The following MTOR variants were observed in gnomAD, a reference collection of about 807,000 sequenced individuals.
MTOR encodes the protein serine/threonine-protein kinase mTOR.
MTOR carries 70 observed loss-of-function variants against 319.8 expected under a neutral mutation model. The ratio of observed to expected loss-of-function variants is 0.22; its 90% confidence interval spans 0.18 to 0.27. MTOR has a LOEUF of 0.27. MTOR is among the 10% of genes least tolerant of loss of function. MTOR has a pLI of 1.00. For missense variants in MTOR, 1,890 were observed against 3,274.4 expected (o/e 0.58, Z 10.32); for synonymous variants, 1,183 against 1,211.4 (o/e 0.98, Z 0.49).
At chr1:11,208,037 G>A (rs1047102314) in intron 25 of MTOR, among the ~76,000 whole-genome samples, 3 of 152,056 alleles carry the variant, frequency 2.0e-5, no homozygotes, top group South Asian at 2.1e-4. Context: ...CAGGGTGGAC[G>A]GCTGCCTGGT....
intron 54 of MTOR, among the ~76,000 whole-genome samples, chr1:11,112,220 T>C (rs1641923445): frequency 6.6e-6 from 1 of 152,182 alleles, no homozygotes; most frequent in Non-Finnish European, 1.5e-5. Flanking sequence ...TTCTGCTGCT[T>C]CCATCTTCCC....
intron 6 of MTOR, 88 bp from the exon 7 acceptor site, chr1:11,248,182 C>T (rs891412511): frequency 1.5e-6 from 2 of 1,376,234 alleles, no homozygotes; most frequent in Non-Finnish European, 2.0e-6. Context: ...ATTACATTTG[C>T]CTAATCCCGA....
chr1:11,260,433 T>A (rs1650965741), intron 1 of MTOR, among the ~76,000 whole-genome samples: 1 of 151,716 alleles, frequency 6.6e-6, no homozygotes, highest in South Asian at 2.1e-4. Flanking sequence ...CCCCAGCTAC[T>A]TGGGAGGTTG....
At chr1:11,258,411 T>C (rs1650703534) in intron 3 of MTOR, 74 bp downstream of exon 3, 1 of 997,044 alleles carries the variant, frequency 1.0e-6, no homozygotes, top group African/African-American at 1.6e-5. Context: ...TAGTATCCAG[T>C]AAGTGGCAGA....
At chr1:11,149,055 C>G (rs560876396) in intron 31 of MTOR, among the ~76,000 whole-genome samples, 25 of 152,178 alleles carry the variant, frequency 1.6e-4, no homozygotes, top group African/African-American at 5.1e-4. Flanking sequence ...TGTGAGTCAC[C>G]ACACCCAGCC....
chr1:11,254,954 G>A (rs1369606575), intron 5 of MTOR, among the ~76,000 whole-genome samples: 1 of 151,786 alleles, frequency 6.6e-6, no homozygotes, highest in Non-Finnish European at 1.5e-5. Flanking sequence ...TTGTAGAGAC[G>A]GGATCCCACA....
chr1:11,258,296 C>T (rs541146430), intron 3 of MTOR, among the ~76,000 whole-genome samples, 189 bp downstream of exon 3: 17 of 152,252 alleles, frequency 1.1e-4, no homozygotes, highest in African/African-American at 3.9e-4. Flanking sequence ...TCGATGGTTC[C>T]GAGACTCCAC....
At position 11,241,682 on chromosome 1, in the gene MTOR, CTG is replaced by C. The variant is rs780487698; in HGVS notation, c.1413-3_1413-2del. ...ATCCACCTGCATTGCCTTCTGCCTC[CTG>C]TAGAGAAATGGAGAGTGGCTAGTTG... On this transcript the variant is annotated splice_acceptor_variant and splice_polypyrimidine_tract_variant and intron_variant, in intron 9 of 57. Transcript: ENST00000361445. LOFTEE classifies it high-confidence loss of function. The C allele has an allele frequency of 8.7e-6, 14 of 1,611,258 alleles. No homozygotes were observed. The Admixed American group carries it at 1.3e-4, about 15-fold the overall frequency.
Position 11,128,891 on chromosome 1 carries a change from C to T in MTOR, c.5775G>A (p.Glu1925=), listed in dbSNP as rs2100419224. 4.3e-6 allele frequency: 7 copies of T among 1,614,024 alleles called. No homozygotes were observed. Among genetic ancestry groups the T allele is most frequent in the Non-Finnish European group, 5.9e-6 (7 of 1,179,964 alleles). The change falls in exon 41 of 58, where the codon GAG becomes GAA. Residue 1925 remains glutamate (E), a synonymous_variant. Transcript: ENST00000361445. The surrounding 1 kb of genome is among the most constrained non-coding windows in gnomAD (Gnocchi z 5.3). ...TATCAATCTGGATGGCTTTCACCCCCTCCACTAAGGCCTCATTGACATCTG... is the reference window on the plus strand; with the variant it reads ...TATCAATCTGGATGGCTTTCACCCCTTCCACTAAGGCCTCATTGACATCTG... ...HWPDVNEALV[E]GVKAIQIDTW... is the part of the protein sequence containing the mutation.
At chr1:11,192,338 C>T (rs1434581143) in intron 28 of MTOR, 1 of 1,614,068 alleles carries the variant, frequency 6.2e-7, no homozygotes, top group South Asian at 1.1e-5. Flanking sequence ...TAAGCTTCCT[C>T]CTGATGACTT....
At chr1:11,173,613 A>G (rs1327306744) in intron 28 of MTOR, among the ~76,000 whole-genome samples, 3 of 152,154 alleles carry the variant, frequency 2.0e-5, no homozygotes, top group Non-Finnish European at 4.4e-5. Context: ...TCAAAGAATA[A>G]AGAGATTTTT....
chr1:11,111,141 C>T, intron 54 of MTOR: 1 of 455,766 alleles, frequency 2.2e-6, no homozygotes, highest in South Asian at 1.5e-5. Flanking sequence ...CCTGAAACAC[C>T]CTTTTCCTTT....
rs778280479 is a variant in MTOR, at chr1:11,240,376, C to T, written c.1713G>A (p.Thr571=). The T allele has an allele frequency of 3.7e-6, 6 of 1,613,870 alleles. No homozygotes were observed. The highest frequency in any genetic ancestry group is 1.7e-5 in the Admixed American group (1 of 59,988). The part of the protein sequence containing the change: ...LAHQLASPGL[T]TLPEASDVGS... ...CCACATCGCTGGCCTCAGGGAGGGT[C>T]GTGAGGCCAGGAGAGGCCAGCTGAT... The change falls in exon 11 of 58, where the codon ACG becomes ACA. Residue 571 remains threonine, a synonymous_variant. Transcript: ENST00000361445.
At chr1:11,223,169 CTTTTT>C (rs79432739) in intron 19 of MTOR, among the ~76,000 whole-genome samples, 1 of 139,148 alleles carries the variant, frequency 7.2e-6, no homozygotes, top group African/African-American at 2.6e-5. Flanking sequence ...AAATACATGA[CTTTTT>C]TTTTTTTTTT....
intron 28 of MTOR, among the ~76,000 whole-genome samples, chr1:11,174,531 G>A (rs1277561999): frequency 6.6e-6 from 1 of 152,196 alleles, no homozygotes; most frequent in Non-Finnish European, 1.5e-5. Context: ...AGGCTGCAAA[G>A]TGCAGGACAA....
chr1:11,256,277 A>G, intron 4 of MTOR, 85 bp from the exon 5 acceptor site: 1 of 1,515,318 alleles, frequency 6.6e-7, no homozygotes, highest in Non-Finnish European at 8.9e-7. Flanking sequence ...TCTTAGAGCC[A>G]TACACACCAG....
intron 6 of MTOR, among the ~76,000 whole-genome samples, chr1:11,248,765 T>C (rs1204944587): frequency 6.6e-6 from 1 of 151,910 alleles, no homozygotes; most frequent in Non-Finnish European, 1.5e-5. Flanking sequence ...TGAGCCAAGA[T>C]TGCACCACTG....
chr1:11,138,840 C>T (rs1643554319), intron 36 of MTOR: 1 of 153,964 alleles, frequency 6.5e-6, no homozygotes, highest in African/African-American at 2.4e-5. Flanking sequence ...ACATTGGCTT[C>T]AAGATAACTT....
intron 30 of MTOR, among the ~76,000 whole-genome samples, chr1:11,154,381 C>T (rs1282710004): frequency 6.6e-6 from 1 of 151,664 alleles, no homozygotes; most frequent in Non-Finnish European, 1.5e-5. Flanking sequence ...TGTGAGCCAC[C>T]ACACTCAGCC....
Sources: allele counts gnomAD v4.1 joint callset (sites outside exome capture counted in the v4.1 genomes callset), GRCh38; gene constraint gnomAD v4.1.1; non-coding constraint Gnocchi (gnomAD v3.1); transcripts MANE v1.5; gene names NCBI Gene and HGNC (gene_info 2026-07-23, HGNC 2026-07-21).